ZNF467: variants seen among roughly 807,000 people sequenced by gnomAD.
ZNF467 encodes the protein zinc finger protein 467.
In ZNF467, 51 loss-of-function variants were observed where a neutral mutation model predicts 47.8. That is an observed-to-expected ratio of 1.07 (90% CI 0.85 to 1.35). The LOEUF is 1.35. Among genes scored for constraint, ZNF467 ranks in the 40% most tolerant of loss-of-function variants. ZNF467 has a pLI of 0.00. For missense variants in ZNF467, 992 were observed against 858.1 expected, an observed-to-expected ratio of 1.16 and a Z score of -1.95; for synonymous variants, 416 against 372.9, an observed-to-expected ratio of 1.12 and a Z score of -1.33.
chr7:149,765,265 C>T lies in ZNF467; in HGVS notation c.1237G>A (p.Gly413Ser). The T allele has an allele frequency of 6.8e-7, 1 of 1,459,946 alleles. No individual in the cohort carries two copies. The highest frequency in any genetic ancestry group is 9.0e-7 in the Non-Finnish European group (1 of 1,106,724). The allele number at this position is 1,459,946 out of a possible 1,614,324, so 90.4% of individuals were successfully genotyped here. A position where few individuals can be genotyped will look rare whatever the true frequency, so the allele number is the denominator to read the frequency against. The change falls in exon 5 of 5, where the codon GGC becomes AGC. Residue 413 changes from glycine to serine, a missense_variant. By Grantham distance (56) the Gly-to-Ser change is moderately conservative. Transcript: ENST00000302017. ...LASAPGGPGC[G>S]PGSDPVVPQR... ...GGCACCACGGGATCGGATCCTGGGC[C>T]GCAGCCCGGTCCGCCAGGCGCGCTG...
chr7:149,776,137 C>A, upstream of ZNF467: 1 of 1,328,730 alleles, frequency 7.5e-7, no homozygotes. Context: ...CCTCCTTCTG[C>A]CGCATGCCCA....
rs61740105 is a variant in ZNF467, at chr7:149,765,852, G to A, written c.650C>T (p.Pro217Leu). The change falls in exon 5 of 5, where the codon CCG becomes CTG. Residue 217 changes from proline to leucine, a missense_variant. Physicochemically the swap from Pro to Leu is moderately conservative, Grantham distance 98. Coordinates refer to ENST00000302017, the MANE Select transcript of ZNF467 (RefSeq NM_207336.3). The stretch of plus-strand genomic sequence containing the variant: ...GAAGCGCTTGTCGCACTCGGAGCAC[G>A]GGAAAGGCCGCTCGCCGCGGTGGCT... ...QRSHRGERPF[P>L]CSECDKRFSK... The A allele has an allele frequency of 1.2e-4, 196 of 1,605,864 alleles. 1 individual carries two copies. In the Middle Eastern group the frequency reaches 4.5e-3, roughly 37 times the overall value.
In ZNF467 at chr7:149,765,634, G is replaced by C; in HGVS notation, c.868C>G (p.His290Asp). Residue 290 changes from histidine to aspartate, a missense_variant, in exon 5 of 5, where the codon CAC becomes GAC. Physicochemically the swap from His to Asp is moderately conservative, Grantham distance 81 (BLOSUM62 -1). Coordinates refer to ENST00000302017, the MANE Select transcript of ZNF467 (RefSeq NM_207336.3). ...RFRKKTHLIR[H>D]QRIHTGERPY... ...CTCTCGCCCGTATGGATGCGCTGGT[G>C]CCGAATCAAGTGCGTCTTCTTGCGA... 6.2e-7 allele frequency: 1 copy of C among 1,608,598 alleles called. No individual in the cohort carries two copies. The highest frequency in any genetic ancestry group is 8.5e-7 in the Non-Finnish European group (1 of 1,177,824).
At chr7:149,775,936 G>A (rs536020084), upstream of ZNF467, 17 of 880,232 alleles carry the variant, frequency 1.9e-5, no homozygotes, top group African/African-American at 5.2e-5. Context: ...GGGAGGCTGC[G>A]TGGGGCAGGA....
upstream of ZNF467, chr7:149,775,962 C>A: frequency 3.6e-6 from 4 of 1,123,582 alleles, no homozygotes; most frequent in South Asian, 3.8e-5. Flanking sequence ...CACCGCTGGC[C>A]TCTCTGCCCT....
upstream of ZNF467, among the ~76,000 whole-genome samples, chr7:149,775,674 T>C (rs960151878): frequency 6.6e-6 from 1 of 151,252 alleles, no homozygotes; most frequent in Admixed American, 6.6e-5. Flanking sequence ...CAGAGCCCCA[T>C]GTTAATTTGT....
rs1002777916 is a variant in ZNF467 at position 149,769,547 on chromosome 7, C to G, written c.152-347G>C. On this transcript the variant is annotated intron_variant, in intron 3 of 4. Coordinates refer to ENST00000302017, the MANE Select transcript of ZNF467 (RefSeq NM_207336.3). The surrounding 1 kb of genome is among the most constrained non-coding windows in gnomAD (Gnocchi z 5.3). Reference sequence around the variant, plus strand: ...GAAGGGCTGGGGACTTCCCAGCCCCCAGATGGACCCTGGTTCCAAGCAAAT... The same window carrying G: ...GAAGGGCTGGGGACTTCCCAGCCCCGAGATGGACCCTGGTTCCAAGCAAAT... 6.6e-6 allele frequency among the ~76,000 whole-genome samples: 1 copy of G among 152,268 alleles called. No individual in the cohort carries two copies. Among genetic ancestry groups the G allele is most frequent in the African/African-American group, 2.4e-5 (1 of 41,534 alleles).
Position 149,764,683 on chromosome 7 carries a change from G to C in ZNF467, c.*31C>G, listed in dbSNP as rs1352370032. 16 of 1,578,322 alleles carry C rather than the reference G, an allele frequency of 1.0e-5. No individual in the cohort carries two copies. Among genetic ancestry groups the C allele is most frequent in the Non-Finnish European group, 1.4e-5 (16 of 1,159,064 alleles). ...CATGGCACGGGCCTCTCGAAACTGTGGGCAAGAAAGGGTCCTCGTGAGAAC... is the reference window on the plus strand; with the variant it reads ...CATGGCACGGGCCTCTCGAAACTGTCGGCAAGAAAGGGTCCTCGTGAGAAC... On this transcript the variant is annotated 3_prime_UTR_variant, in exon 5 of 5. Transcript: ENST00000302017.
intron 3 of ZNF467, 31 bp downstream of exon 3, chr7:149,770,409 C>T (rs372791131): frequency 1.9e-5 from 30 of 1,564,510 alleles, no homozygotes; most frequent in Non-Finnish European, 2.6e-5. Flanking sequence ...GGGACTCCTC[C>T]CTGAGCCTTT....
upstream of ZNF467, among the ~76,000 whole-genome samples, chr7:149,773,786 G>T (rs544412633): frequency 0.011 from 1,730 of 151,970 alleles, 15 homozygotes; most frequent in Middle Eastern, 0.031. Flanking sequence ...CGGCCCGGGG[G>T]GTCGGTCTGG....
Position 149,765,370 on chromosome 7 carries a change from G to T in ZNF467, c.1132C>A (p.Arg378Ser), listed in dbSNP as rs2117393083. 6.4e-7 allele frequency: 1 copy of T among 1,558,016 alleles called. No homozygotes were observed. The highest frequency in any genetic ancestry group is 8.7e-7 in the Non-Finnish European group (1 of 1,151,456). Residue 378 changes from arginine (R) to serine (S), a missense_variant, in exon 5 of 5, where the codon CGC (arginine) becomes AGC (serine). Coordinates refer to ENST00000302017, the MANE Select transcript of ZNF467 (RefSeq NM_207336.3). ...CACCCAAAGGGGCGACCCTCGCTGC[G>T]GTGCAGACACTGGTGCGTGGCGAGG... Reference protein sequence around the residue: ...KNLATHQCLHRSEGRPFGCDE... With the variant: ...KNLATHQCLHSSEGRPFGCDE...
upstream of ZNF467, chr7:149,775,900 C>A: frequency 1.8e-6 from 1 of 547,996 alleles, no homozygotes; most frequent in Non-Finnish European, 3.1e-6. Flanking sequence ...CCCCCCACAG[C>A]CCCCAGAACT....
Position 149,765,886 on chromosome 7 carries a change from G to A in ZNF467, c.616C>T (p.His206Tyr). 1 of 1,589,866 alleles carries A rather than the reference G, an allele frequency of 6.3e-7. No individual in the cohort carries two copies. Among genetic ancestry groups the A allele is most frequent in the African/African-American group, 1.3e-5 (1 of 74,472 alleles). ...SFTQRAHMLL[H>Y]QRSHRGERPF... ...CGCTCGCCGCGGTGGCTGCGCTGAT[G>A]CAGTAGCATGTGGGCGCGCTGCGTG... is the stretch of plus-strand genomic sequence containing the variant. The change falls in exon 5 of 5, where the codon CAT (histidine) becomes TAT (tyrosine). Residue 206 changes from histidine to tyrosine, a missense_variant. By Grantham distance (83) the His-to-Tyr change is moderately conservative. Coordinates refer to ENST00000302017, the MANE Select transcript of ZNF467 (RefSeq NM_207336.3).
chr7:149,776,284 G>A, upstream of ZNF467: 2 of 1,307,856 alleles, frequency 1.5e-6, no homozygotes, highest in South Asian at 1.2e-5. Flanking sequence ...TGGTGTCATA[G>A]GACAGGGCTT....
Position 149,764,219 on chromosome 7 carries a change from C to A in ZNF467, c.*495G>T. Reference sequence around the variant, plus strand: ...TATATTACATTTTTATTTGGGAGAACCAATTAACAGCAGCTGGCTAAATGT... The same window carrying A: ...TATATTACATTTTTATTTGGGAGAAACAATTAACAGCAGCTGGCTAAATGT... On this transcript the variant is annotated 3_prime_UTR_variant, in exon 5 of 5. Coordinates refer to ENST00000302017, the MANE Select transcript of ZNF467 (RefSeq NM_207336.3). The A allele has an allele frequency of 2.9e-6, 1 of 349,008 alleles. No homozygotes were observed. Among genetic ancestry groups the A allele is most frequent in the South Asian group, 1.1e-4 (1 of 9,512 alleles). The allele number at this position is 349,008 out of a possible 1,614,324, so 21.6% of individuals were successfully genotyped here.
chr7:149,765,383 G>A lies in ZNF467; in HGVS notation c.1119C>T (p.His373=). Residue 373 remains histidine (H), a synonymous_variant, in exon 5 of 5, where the codon CAC becomes CAT. Transcript: ENST00000302017. ...SFGWKKNLAT[H]QCLHRSEGRP... is the part of the protein sequence containing the mutation. ...GACCCTCGCTGCGGTGCAGACACTG[G>A]TGCGTGGCGAGGTTCTTTTTCCAGC... The A allele has an allele frequency of 1.3e-6, 2 of 1,566,006 alleles. No individual in the cohort carries two copies. Among genetic ancestry groups the A allele is most frequent in the Non-Finnish European group, 1.7e-6 (2 of 1,156,358 alleles).
At position 149,765,133 on chromosome 7, in the gene ZNF467, G is replaced by A. The variant is rs546822581; in HGVS notation, c.1369C>T (p.Arg457Trp). 29 of 1,483,146 alleles carry A rather than the reference G, an allele frequency of 2.0e-5. No homozygotes were observed. The East Asian group carries it at 3.8e-4, about 20-fold the overall frequency. 91.9% of individuals were successfully genotyped at this position (1,483,146 alleles called of 1,614,324 possible). Reference sequence around the variant, plus strand: ...TCACACTGCGTGCAGGCGAAGGGCCGTTCGCCCGTGTGCACGCGCGGGTGC... The same window carrying A: ...TCACACTGCGTGCAGGCGAAGGGCCATTCGCCCGTGTGCACGCGCGGGTGC... The part of the protein sequence containing the change: ...ARHPRVHTGE[R>W]PFACTQCDRR... Residue 457 changes from arginine to tryptophan, a missense_variant, in exon 5 of 5, where the codon CGG (arginine) becomes TGG (tryptophan). By Grantham distance (101) the Arg-to-Trp change is moderately radical. Transcript: ENST00000302017.
upstream of ZNF467, chr7:149,775,952 C>A: frequency 2.9e-6 from 3 of 1,035,964 alleles, no homozygotes; most frequent in Non-Finnish European, 4.1e-6. Flanking sequence ...CAGGAGAGAG[C>A]ACCGCTGGCC....
rs1161283971 is a variant in ZNF467 at position 149,765,976 on chromosome 7, G to A, written c.526C>T (p.Arg176Ter). Residue 176 changes from arginine to a stop codon, truncating the protein, a stop_gained, in exon 5 of 5, where the codon CGA becomes TGA. Coordinates refer to ENST00000302017, the MANE Select transcript of ZNF467 (RefSeq NM_207336.3). LOFTEE classifies it high-confidence loss of function. ...CCCCGGTGCAGCCGCTGGTGCAGTC[G>A]CAACGTCAGCTGGTCCCGGAAGCGC... ...ERRFRDQLTL[R>*]LHQRLHRGEG... The A allele has an allele frequency of 3.9e-6, 6 of 1,554,556 alleles. No individual in the cohort carries two copies. The highest frequency in any genetic ancestry group is 4.3e-6 in the Non-Finnish European group (5 of 1,150,068).
Sources: gnomAD v4.1 joint callset for allele counts (sites outside exome capture counted in the v4.1 genomes callset) on GRCh38, gnomAD v4.1.1 for gene constraint, Gnocchi (gnomAD v3.1) non-coding constraint, MANE v1.5 for transcripts, NCBI Gene and HGNC (gene_info 2026-07-23, HGNC 2026-07-21) for gene names.